The following ZNF615 variants were observed in gnomAD, a reference collection of about 807,000 sequenced individuals.
ZNF615 encodes zinc finger protein 615.
Under a neutral mutation model 15.3 loss-of-function variants are expected in ZNF615, and 15 were observed. The observed-to-expected ratio is 0.98, with a 90% CI of 0.66 to 1.51. ZNF615 has a LOEUF of 1.51. Ranked by LOEUF, ZNF615 falls within the 40% of genes most tolerant of loss-of-function variation. The pLI is 0.00. For synonymous variants in ZNF615, 268 were observed against 294.6 expected (o/e 0.91, Z 0.92); for missense variants, 848 against 895.9 (o/e 0.95, Z 0.68).
intron 6 of ZNF615, among the ~76,000 whole-genome samples, chr19:51,995,294 A>G (rs1054764435): frequency 1.3e-5 from 2 of 152,234 alleles, no homozygotes; most frequent in African/African-American, 4.8e-5. Flanking sequence ...CTGTACAAAC[A>G]AGGCTAGATA....
In ZNF615 at chr19:52,002,154, C is replaced by T. The variant is rs2086615130; in HGVS notation, c.142+1G>A. ...GAGTGACACAGGGCAGCTGTCCTCA[C>T]CCACTGCCACCAGGTTGCTGTAGTT... is the stretch of plus-strand genomic sequence containing the variant. On this transcript the variant is annotated splice_donor_variant, in intron 4 of 6. Transcript: ENST00000598071. LOFTEE classifies it high-confidence loss of function. The T allele has an allele frequency of 6.2e-7, 1 of 1,614,174 alleles. No homozygotes were observed. The highest frequency in any genetic ancestry group is 8.5e-7 in the Non-Finnish European group (1 of 1,180,022).
rs2086298306 is a variant in ZNF615 at position 51,993,376 on chromosome 19, G to A, written c.1733C>T (p.Pro578Leu). 6.2e-7 allele frequency: 1 copy of A among 1,613,790 alleles called. No homozygotes were observed. The highest frequency in any genetic ancestry group is 1.3e-5 in the African/African-American group (1 of 74,836). Residue 578 changes from proline to leucine, a missense_variant, in exon 7 of 7, where the codon CCC becomes CTC. Physicochemically the swap from Pro to Leu is moderately conservative, Grantham distance 98 (BLOSUM62 -3). Coordinates refer to ENST00000598071, the MANE Select transcript of ZNF615 (RefSeq NM_001199324.2). Reference protein sequence around the residue: ...VHRRTHTGEKPYVCSECGKGL... With the variant: ...VHRRTHTGEKLYVCSECGKGL... The stretch of plus-strand genomic sequence containing the variant: ...TTTGCCACATTCACTGCATACATAG[G>A]GTTTCTCTCCTGTATGAGTGCGCCG...
chr19:51,994,753 T>C lies in ZNF615; in HGVS notation c.356A>G (p.Asn119Ser), dbSNP rs373736999. 2 of 1,613,732 alleles carry C rather than the reference T, an allele frequency of 1.2e-6. No individual in the cohort carries two copies. Among genetic ancestry groups the C allele is most frequent in the Non-Finnish European group, 1.7e-6 (2 of 1,179,982 alleles). Residue 119 changes from asparagine (N) to serine (S), a missense_variant, in exon 7 of 7, where the codon AAT (asparagine) becomes AGT (serine). Coordinates refer to ENST00000598071, the MANE Select transcript of ZNF615 (RefSeq NM_001199324.2). The stretch of plus-strand genomic sequence containing the variant: ...CTGATTAACAATATTTCCAAACATA[T>C]TCTGTTCATGGCACTGTTTCACACT... ...QKSVKQCHEQ[N>S]MFGNIVNQNK...
At chr19:52,008,087 C>G in intron 1 of ZNF615, 54 bp downstream of exon 1, 3 of 1,506,638 alleles carry the variant, frequency 2.0e-6, no homozygotes, top group Non-Finnish European at 2.7e-6. Flanking sequence ...CGCCCAGCCA[C>G]GGACAGAATT....
intron 6 of ZNF615, among the ~76,000 whole-genome samples, chr19:51,998,210 A>G (rs141361774): frequency 3.3e-4 from 50 of 152,306 alleles, no homozygotes; most frequent in African/African-American, 1.1e-3. Context: ...CCTCTGTACC[A>G]AAACTTCCAA....
chr19:51,996,684 T>C (rs1340448383), intron 6 of ZNF615, among the ~76,000 whole-genome samples: 1 of 152,144 alleles, frequency 6.6e-6, no homozygotes, highest in Non-Finnish European at 1.5e-5. Context: ...GTTGGAAACA[T>C]GTAGAAAAAA....
rs752695742 is a variant in ZNF615 at position 51,994,640 on chromosome 19, G to C, written c.469C>G (p.Gln157Glu). 1.9e-6 allele frequency: 3 copies of C among 1,612,818 alleles called. No individual in the cohort carries two copies. Among genetic ancestry groups the C allele is most frequent in the Non-Finnish European group, 8.5e-7 (1 of 1,179,858 alleles). The change falls in exon 7 of 7, where the codon CAG (glutamine) becomes GAG (glutamate). Residue 157 changes from glutamine to glutamate, a missense_variant. By Grantham distance (29) the Gln-to-Glu change is conservative. Coordinates refer to ENST00000598071, the MANE Select transcript of ZNF615 (RefSeq NM_001199324.2). ...TTCTTTAGGCCAGAGCTCCTTTTCT[G>C]GTTTTCAAAACTTAAATTTGATTTT... ...PLKSNLSFEN[Q>E]KRSSGLKNSA... is the part of the protein sequence containing the mutation.
At chr19:52,001,632 A>AG in intron 5 of ZNF615, 181 bp downstream of exon 5, 1 of 573,362 alleles carries the variant, frequency 1.7e-6, no homozygotes, top group Non-Finnish European at 3.1e-6. Flanking sequence ...AAAAAAAAAA[A>AG]AAAGAAAAGA....
intron 6 of ZNF615, among the ~76,000 whole-genome samples, chr19:51,995,966 A>T (rs544019812): frequency 6.6e-6 from 1 of 152,314 alleles, no homozygotes; most frequent in East Asian, 1.9e-4. Flanking sequence ...TGGTTAATGG[A>T]ACAATGGAGA....
At chr19:51,994,937 G>A in intron 6 of ZNF615, 100 bp from the exon 7 acceptor site, 5 of 1,083,628 alleles carry the variant, frequency 4.6e-6, no homozygotes, top group Non-Finnish European at 5.0e-6. Context: ...TGACTCTTTA[G>A]TGAAAACCCT....
chr19:51,999,015 G>A (rs889915721), intron 6 of ZNF615, among the ~76,000 whole-genome samples: 1 of 152,094 alleles, frequency 6.6e-6, no homozygotes, highest in African/African-American at 2.4e-5. Flanking sequence ...CTGGGACTAG[G>A]TGTCATCAAA....
intron 1 of ZNF615, 30 bp from the exon 2 acceptor site, chr19:52,007,360 G>A: frequency 7.9e-7 from 1 of 1,272,186 alleles, no homozygotes; most frequent in Non-Finnish European, 1.0e-6. Context: ...AGGATACGCT[G>A]GAAACTTGCA....
At position 51,994,230 on chromosome 19, in the gene ZNF615, A is replaced by G; in HGVS notation, c.879T>C (p.His293=). ...KSQLNIHQKT[H]MGGKPYTCSQ... is the part of the protein sequence containing the mutation. ...TACATGTGTAAGGTTTCCCTCCCAT[A>G]TGAGTTTTCTGATGTATATTGAGCT... Residue 293 remains histidine (H), a synonymous_variant, in exon 7 of 7, where the codon CAT becomes CAC. Transcript: ENST00000598071. 6.2e-7 allele frequency: 1 copy of G among 1,613,990 alleles called. No individual in the cohort carries two copies. Among genetic ancestry groups the G allele is most frequent in the Non-Finnish European group, 8.5e-7 (1 of 1,180,002 alleles).
In ZNF615 at chr19:51,992,744, G is replaced by T; in HGVS notation, c.*136C>A. The T allele has an allele frequency of 9.4e-7, 1 of 1,058,766 alleles. No homozygotes were observed. The highest frequency in any genetic ancestry group is 1.4e-6 in the Non-Finnish European group (1 of 727,164). 65.6% of individuals were successfully genotyped at this position (1,058,766 alleles called of 1,614,324 possible). On this transcript the variant is annotated 3_prime_UTR_variant, in exon 7 of 7. Coordinates refer to ENST00000598071, the MANE Select transcript of ZNF615 (RefSeq NM_001199324.2). ...CCTAAAATATTTTCTCAAATGTTTTGTACATGTTTTCTCTGACACAAAACA... is the reference window on the plus strand; with the variant it reads ...CCTAAAATATTTTCTCAAATGTTTTTTACATGTTTTCTCTGACACAAAACA...
chr19:52,003,984 G>T, intron 2 of ZNF615, 84 bp from the exon 3 acceptor site: 2 of 933,474 alleles, frequency 2.1e-6, no homozygotes, highest in Non-Finnish European at 1.4e-6. Context: ...TTAAATCAAG[G>T]CCCCCAAATA....
In ZNF615 at chr19:51,992,824, T is replaced by C. The variant is rs933667789; in HGVS notation, c.*56A>G. Reference sequence around the variant, plus strand: ...ATGTAGTCTGCATTCATGAAATTACTCTTCTTTGCAGATATCTTAAGGGCC... The same window carrying C: ...ATGTAGTCTGCATTCATGAAATTACCCTTCTTTGCAGATATCTTAAGGGCC... On this transcript the variant is annotated 3_prime_UTR_variant, in exon 7 of 7. Coordinates refer to ENST00000598071, the MANE Select transcript of ZNF615 (RefSeq NM_001199324.2). 33 of 1,560,764 alleles carry C rather than the reference T, an allele frequency of 2.1e-5. No homozygotes were observed. Among genetic ancestry groups the C allele is most frequent in the Non-Finnish European group, 2.7e-5 (31 of 1,150,352 alleles).
chr19:52,002,339 T>G, intron 3 of ZNF615, 58 bp from the exon 4 acceptor site: 1 of 1,612,352 alleles, frequency 6.2e-7, no homozygotes. Flanking sequence ...AGGAAAAGAA[T>G]GTCAAGGAAG....
rs540046929 is a variant in ZNF615 at position 51,998,875 on chromosome 19, G to A, written c.271+1471C>T. On this transcript the variant is annotated intron_variant, in intron 6 of 6. Coordinates refer to ENST00000598071, the MANE Select transcript of ZNF615 (RefSeq NM_001199324.2). ...TCACCATGTTGGCCAGGCTGGTCTC[G>A]AACTCCTGAACTCAAGTGATCCATC... Among the ~76,000 whole-genome samples, 20 of 152,114 alleles carry A rather than the reference G, an allele frequency of 1.3e-4. No homozygotes were observed. In the Middle Eastern group the frequency reaches 0.014, roughly 103 times the overall value.
At position 51,994,177 on chromosome 19, in the gene ZNF615, T is replaced by C. The variant is rs2086345718; in HGVS notation, c.932A>G (p.Lys311Arg). 3 of 1,614,024 alleles carry C rather than the reference T, an allele frequency of 1.9e-6. No homozygotes were observed. Among genetic ancestry groups the C allele is most frequent in the Non-Finnish European group, 2.5e-6 (3 of 1,180,034 alleles). ...TCGTTGATGATAAATGAGCCGACAC[T>C]TCTTGATGAAGGCTTTCCCACATTG... is the stretch of plus-strand genomic sequence containing the variant. Reference protein sequence around the residue: ...CSQCGKAFIKKCRLIYHQRTH... With the variant: ...CSQCGKAFIKRCRLIYHQRTH... The change falls in exon 7 of 7, where the codon AAG becomes AGG. Residue 311 changes from lysine to arginine, a missense_variant. Transcript: ENST00000598071.
Sources: allele counts gnomAD v4.1 joint callset (sites outside exome capture counted in the v4.1 genomes callset), GRCh38; gene constraint gnomAD v4.1.1; transcripts MANE v1.5; gene names NCBI Gene and HGNC (gene_info 2026-07-23, HGNC 2026-07-21).